The following SYT17 variants were observed in gnomAD, a reference collection of about 807,000 sequenced individuals.
SYT17 encodes synaptotagmin-17.
SYT17 carries 22 observed loss-of-function variants against 46.7 expected under a neutral mutation model. That is an observed-to-expected ratio of 0.47 (90% CI 0.34 to 0.67). The LOEUF (loss-of-function observed/expected upper bound fraction) is 0.67. SYT17 is among the 30% of genes least tolerant of loss of function. SYT17 has a pLI of 0.01. For missense variants in SYT17, 519 were observed against 612.8 expected (o/e 0.85, Z 1.62); for synonymous variants, 251 against 248.4 (o/e 1.01, Z -0.10).
intron 5 of SYT17, among the ~76,000 whole-genome samples, chr16:19,196,076 G>T (rs1965230338): frequency 6.6e-6 from 1 of 152,226 alleles, no homozygotes; most frequent in East Asian, 1.9e-4. Flanking sequence ...GAACCCAGGT[G>T]CCAGAAGGTC....
At chr16:19,208,365 G>A (rs541517346) in intron 5 of SYT17, among the ~76,000 whole-genome samples, 5 of 152,236 alleles carry the variant, frequency 3.3e-5, no homozygotes, top group South Asian at 2.1e-4. Flanking sequence ...AAGAGGTTCC[G>A]TTGACTCACC....
rs1015674149 is a variant in SYT17, at chr16:19,168,946, C to T, written c.15+285C>T. ...GGGGTGGGGCGGACTTTTCTTCTCC[C>T]CTGCCCCCTCCCTCTCCTTGGCACC... On this transcript the variant is annotated intron_variant, in intron 1 of 7. Transcript: ENST00000355377. The surrounding 1 kb of genome is among the most constrained non-coding windows in gnomAD (Gnocchi z 6.9). Among the ~76,000 whole-genome samples the T allele has an allele frequency of 1.3e-5, 2 of 151,132 alleles. No homozygotes were observed. The highest frequency in any genetic ancestry group is 4.9e-5 in the African/African-American group (2 of 41,148).
At chr16:19,225,196 A>G (rs978069917) in intron 7 of SYT17, among the ~76,000 whole-genome samples, 4 of 152,194 alleles carry the variant, frequency 2.6e-5, no homozygotes, top group Non-Finnish European at 4.4e-5. Context: ...CGACTTTGCA[A>G]TATACTTGGT....
chr16:19,209,468 G>A (rs1965806432), intron 5 of SYT17, among the ~76,000 whole-genome samples: 1 of 152,170 alleles, frequency 6.6e-6, no homozygotes, highest in African/African-American at 2.4e-5. Flanking sequence ...CCCATCAGAT[G>A]AGACTAATGA....
intron 5 of SYT17, among the ~76,000 whole-genome samples, chr16:19,212,894 G>A (rs1417908921): frequency 2.0e-5 from 3 of 152,196 alleles, no homozygotes; most frequent in Non-Finnish European, 4.4e-5. Flanking sequence ...GGCTTAAGGA[G>A]AAAGAAGAAG....
intron 1 of SYT17, chr16:19,172,033 C>T (rs1475729869): frequency 6.5e-6 from 1 of 153,584 alleles, no homozygotes; most frequent in Admixed American, 6.4e-5. Flanking sequence ...CAGTTCACCT[C>T]TGGGACATGC....
At chr16:19,230,323 C>G (rs748122417) in intron 7 of SYT17, among the ~76,000 whole-genome samples, 1 of 151,858 alleles carries the variant, frequency 6.6e-6, no homozygotes, top group Non-Finnish European at 1.5e-5. Flanking sequence ...AGGAGAATCA[C>G]TTGAACCTGG....
chr16:19,262,668 C>T (rs182815125), intron 7 of SYT17, among the ~76,000 whole-genome samples: 286 of 152,306 alleles, frequency 1.9e-3, no homozygotes, highest in Non-Finnish European at 3.4e-3. Context: ...CTCACCTGAG[C>T]CTTGGTGTCC....
In SYT17 at chr16:19,173,571, C is replaced by T; in HGVS notation, c.175C>T (p.Pro59Ser). Reference protein sequence around the residue: ...ILGPFPAQTPPWLMASRSSDK... With the variant: ...ILGPFPAQTPSWLMASRSSDK... The stretch of plus-strand genomic sequence containing the variant: ...GGGACCTTTCCCTGCTCAGACCCCT[C>T]CCTGGCTGTAAGTAAAACTGCTCTG... The change falls in exon 3 of 8, where the codon CCC (proline) becomes TCC (serine). Residue 59 changes from proline (P) to serine (S), a missense_variant. Pro to Ser is a moderately conservative substitution (Grantham distance 74). Transcript: ENST00000355377. 6.2e-7 allele frequency: 1 copy of T among 1,613,368 alleles called. No homozygotes were observed. The highest frequency in any genetic ancestry group is 8.5e-7 in the Non-Finnish European group (1 of 1,179,868).
At chr16:19,249,631 T>C (rs1308412686) in intron 7 of SYT17, among the ~76,000 whole-genome samples, 1 of 152,184 alleles carries the variant, frequency 6.6e-6, no homozygotes, top group Non-Finnish European at 1.5e-5. Flanking sequence ...GTGTGGAACA[T>C]CTTTCCAAGT....
Position 19,180,523 on chromosome 16 carries a change from G to C in SYT17, c.315G>C (p.Leu105=), listed in dbSNP as rs1441155893. 6.2e-7 allele frequency: 1 copy of C among 1,614,036 alleles called. No individual in the cohort carries two copies. The highest frequency in any genetic ancestry group is 2.2e-5 in the East Asian group (1 of 44,884). Residue 105 remains leucine, a synonymous_variant, in exon 4 of 8, where the codon CTG becomes CTC. Transcript: ENST00000355377. ...ACACATCCAAGTCTACATACAGCCT[G>C]ACGCGGAGGATTTCGAGTAAGTATC... is the stretch of plus-strand genomic sequence containing the variant. The part of the protein sequence containing the change: ...SSDTSKSTYS[L]TRRISSLESR...
intron 7 of SYT17, among the ~76,000 whole-genome samples, chr16:19,240,309 T>A (rs1967000642): frequency 6.6e-6 from 1 of 151,132 alleles, no homozygotes; most frequent in Non-Finnish European, 1.5e-5. Flanking sequence ...GAAGAGGAGC[T>A]TTATTGAGCA....
chr16:19,209,993 A>T (rs1338365535), intron 5 of SYT17, among the ~76,000 whole-genome samples: 1 of 152,214 alleles, frequency 6.6e-6, no homozygotes, highest in East Asian at 1.9e-4. Context: ...GGAATGTTGT[A>T]TGTGAACATT....
At chr16:19,172,556 GC>G in intron 1 of SYT17, 1 of 1,507,916 alleles carries the variant, frequency 6.6e-7, no homozygotes, top group Non-Finnish European at 8.8e-7. Flanking sequence ...GCTACCAGCA[GC>G]CCTGAAAATA....
chr16:19,232,947 A>G (rs1966758455), intron 7 of SYT17, among the ~76,000 whole-genome samples: 1 of 152,038 alleles, frequency 6.6e-6, no homozygotes, highest in South Asian at 2.1e-4. Flanking sequence ...CAGGGACTTT[A>G]AAAAAACTCT....
At chr16:19,227,726 A>G (rs1966547307) in intron 7 of SYT17, among the ~76,000 whole-genome samples, 1 of 152,220 alleles carries the variant, frequency 6.6e-6, no homozygotes, top group Non-Finnish European at 1.5e-5. Context: ...CACACAAACA[A>G]TATCCACATA....
intron 7 of SYT17, among the ~76,000 whole-genome samples, chr16:19,232,075 G>A (rs549896582): frequency 6.6e-6 from 1 of 152,180 alleles, no homozygotes; most frequent in Non-Finnish European, 1.5e-5. Flanking sequence ...CGCCCCGGAA[G>A]AGAAATTGAG....
intron 7 of SYT17, among the ~76,000 whole-genome samples, chr16:19,238,731 C>T (rs1966886680): frequency 6.6e-6 from 1 of 152,158 alleles, no homozygotes; most frequent in African/African-American, 2.4e-5. Context: ...CACATATGTG[C>T]CTGCAGGGCC....
At chr16:19,210,670 A>T (rs1051589582) in intron 5 of SYT17, among the ~76,000 whole-genome samples, 1 of 152,192 alleles carries the variant, frequency 6.6e-6, no homozygotes, top group African/African-American at 2.4e-5. Flanking sequence ...TGTGTAAAGC[A>T]CTGGCATTGC....
Sources: allele counts gnomAD v4.1 joint callset (sites outside exome capture counted in the v4.1 genomes callset), GRCh38; gene constraint gnomAD v4.1.1; non-coding constraint Gnocchi (gnomAD v3.1); transcripts MANE v1.5; gene names NCBI Gene and HGNC (gene_info 2026-07-23, HGNC 2026-07-21).